The following ADAMTS3 variants were observed in gnomAD, a reference collection of about 807,000 sequenced individuals.
The protein encoded by ADAMTS3 is ADAM metallopeptidase with thrombospondin type 1 motif 3, also known as A disintegrin and metalloproteinase with thrombospondin motifs 3.
ADAMTS3 carries 73 observed loss-of-function variants against 129.0 expected under a neutral mutation model. The observed-to-expected ratio is 0.57, with a 90% CI of 0.47 to 0.69. The LOEUF is 0.69. Ranked by LOEUF, ADAMTS3 falls within the 30% of genes least tolerant of loss-of-function variation. The pLI is 0.00. For missense variants in ADAMTS3, 1,457 were observed against 1,514.5 expected (o/e 0.96, Z 0.63); for synonymous variants, 477 against 510.8 (o/e 0.93, Z 0.89).
At chr4:72,444,341 A>G (rs750234580) in intron 3 of ADAMTS3, among the ~76,000 whole-genome samples, 46 of 151,756 alleles carry the variant, frequency 3.0e-4, no homozygotes, top group Non-Finnish European at 6.2e-4. Flanking sequence ...AAGATCATAA[A>G]AAACAGGTTG....
chr4:72,359,170 T>C (rs962452416), intron 4 of ADAMTS3, among the ~76,000 whole-genome samples: 6 of 152,158 alleles, frequency 3.9e-5, no homozygotes, highest in African/African-American at 1.2e-4. Flanking sequence ...AAATAGAAGA[T>C]GCAACATTCA....
chr4:72,352,124 A>T (rs1480930783), intron 4 of ADAMTS3, among the ~76,000 whole-genome samples: 1 of 151,972 alleles, frequency 6.6e-6, no homozygotes, highest in Non-Finnish European at 1.5e-5. Flanking sequence ...AGTCCAAGAA[A>T]CCTAAACATT....
chr4:72,337,942 T>C (rs1720031206), intron 5 of ADAMTS3, among the ~76,000 whole-genome samples: 1 of 152,144 alleles, frequency 6.6e-6, no homozygotes, highest in African/African-American at 2.4e-5. Context: ...CTGTACTGAT[T>C]GTCTTCCAGA....
chr4:72,383,459 G>A (rs570088412), intron 4 of ADAMTS3, among the ~76,000 whole-genome samples: 152 of 152,258 alleles, frequency 1.0e-3, no homozygotes, highest in African/African-American at 3.4e-3. Flanking sequence ...CTGAGTTTGG[G>A]CATCACATAC....
Position 72,305,980 on chromosome 4 carries a change from CACTT to C in ADAMTS3, c.2260+3_2260+6del, listed in dbSNP as rs780212042. The C allele has an allele frequency of 4.4e-6, 7 of 1,608,480 alleles. No homozygotes were observed. Among genetic ancestry groups the C allele is most frequent in the East Asian group, 2.2e-5 (1 of 44,696 alleles). ...TTAAAGCAGAGACAGCAGACAGAAA[CACTT>C]ACCAAGAATATGAGGAGAAGCCTCG... On this transcript the variant is annotated splice_donor_5th_base_variant and intron_variant, in intron 16 of 21. Coordinates refer to ENST00000286657, the MANE Select transcript of ADAMTS3 (RefSeq NM_014243.3).
At chr4:72,489,311 G>A (rs943426041) in intron 3 of ADAMTS3, among the ~76,000 whole-genome samples, 1 of 151,832 alleles carries the variant, frequency 6.6e-6, no homozygotes, top group African/African-American at 2.4e-5. Flanking sequence ...CTATGGTTTC[G>A]ATCACCCATG....
chr4:72,410,033 A>C (rs1237316624), intron 4 of ADAMTS3, among the ~76,000 whole-genome samples: 2 of 152,130 alleles, frequency 1.3e-5, no homozygotes, highest in East Asian at 3.9e-4. Flanking sequence ...TTTACTAAAA[A>C]ATGTCTGCTG....
intron 3 of ADAMTS3, among the ~76,000 whole-genome samples, chr4:72,536,527 G>A (rs1009070759): frequency 2.0e-5 from 3 of 152,170 alleles, no homozygotes; most frequent in African/African-American, 7.2e-5. Context: ...CAGTAACATT[G>A]ATTTCCTAAG....
At chr4:72,504,693 A>G (rs1335748319) in intron 3 of ADAMTS3, among the ~76,000 whole-genome samples, 1 of 152,156 alleles carries the variant, frequency 6.6e-6, no homozygotes, top group Non-Finnish European at 1.5e-5. Flanking sequence ...ACCTCCTCTC[A>G]GAAACACCAA....
chr4:72,358,649 T>A (rs1011355655), intron 4 of ADAMTS3, among the ~76,000 whole-genome samples: 2 of 152,038 alleles, frequency 1.3e-5, no homozygotes, highest in Admixed American at 1.3e-4. Flanking sequence ...CCATCTAGAT[T>A]TCACTTCTCT....
chr4:72,495,539 AAAAG>A (rs1719853433), intron 3 of ADAMTS3, among the ~76,000 whole-genome samples: 1 of 152,318 alleles, frequency 6.6e-6, no homozygotes, highest in African/African-American at 2.4e-5. Context: ...TACAAAGAAA[AAAAG>A]AGACATTATT....
At chr4:72,402,841 A>G (rs1044325231) in intron 4 of ADAMTS3, among the ~76,000 whole-genome samples, 1 of 152,144 alleles carries the variant, frequency 6.6e-6, no homozygotes, top group Non-Finnish European at 1.5e-5. Context: ...AGGAATGTCC[A>G]TTAAGGTCTG....
chr4:72,485,890 C>T (rs1383268332), intron 3 of ADAMTS3, among the ~76,000 whole-genome samples: 1 of 152,204 alleles, frequency 6.6e-6, no homozygotes. Flanking sequence ...TTTGCCCCTT[C>T]CACCATGTGA....
intron 4 of ADAMTS3, among the ~76,000 whole-genome samples, chr4:72,386,913 T>G (rs541530764): frequency 1.1e-4 from 16 of 152,264 alleles, no homozygotes; most frequent in Admixed American, 4.6e-4. Context: ...TCACTGACCT[T>G]CCTATTTTAA....
intron 3 of ADAMTS3, among the ~76,000 whole-genome samples, chr4:72,545,626 G>A (rs754395118): frequency 1.8e-4 from 28 of 151,992 alleles, no homozygotes; most frequent in Non-Finnish European, 3.2e-4. Context: ...ACATTGCTTC[G>A]GTCCTTTATT....
intron 4 of ADAMTS3, among the ~76,000 whole-genome samples, chr4:72,393,342 T>C (rs941224863): frequency 3.3e-5 from 5 of 152,214 alleles, no homozygotes; most frequent in Admixed American, 1.3e-4. Context: ...GGAACCAGAA[T>C]AGATAAGATA....
intron 3 of ADAMTS3, among the ~76,000 whole-genome samples, chr4:72,481,870 C>G (rs1425895120): frequency 1.3e-5 from 2 of 151,954 alleles, no homozygotes; most frequent in Non-Finnish European, 2.9e-5. Context: ...ACAGACATTT[C>G]ACATATTTAG....
At chr4:72,517,157 G>A (rs1266130735) in intron 3 of ADAMTS3, among the ~76,000 whole-genome samples, 2 of 151,936 alleles carry the variant, frequency 1.3e-5, no homozygotes, top group Non-Finnish European at 2.9e-5. Flanking sequence ...TGCATATATT[G>A]AACCAGCCTT....
chr4:72,485,843 G>T (rs1284764926), intron 3 of ADAMTS3, among the ~76,000 whole-genome samples: 3 of 152,180 alleles, frequency 2.0e-5, no homozygotes, highest in Non-Finnish European at 4.4e-5. Context: ...TCATAAATGA[G>T]ATTAGTGCCC....
Sources: allele counts gnomAD v4.1 joint callset (sites outside exome capture counted in the v4.1 genomes callset), GRCh38; gene constraint gnomAD v4.1.1; transcripts MANE v1.5; gene names NCBI Gene and HGNC (gene_info 2026-07-23, HGNC 2026-07-21).